Variants in REV1 observed in about 807,000 individuals in gnomAD.
REV1 encodes translesion synthesis protein REV1.
REV1 carries 42 observed loss-of-function variants against 137.4 expected under a neutral mutation model. That is an observed-to-expected ratio of 0.31 (90% CI 0.24 to 0.40). The LOEUF (loss-of-function observed/expected upper bound fraction) is 0.40. REV1 is among the 10% of genes least tolerant of loss of function. The pLI is 1.00. For missense variants in REV1, 1,282 were observed against 1,490.1 expected, an observed-to-expected ratio of 0.86 and a Z score of 2.30; for synonymous variants, 524 against 519.2, an observed-to-expected ratio of 1.01 and a Z score of -0.12.
At chr2:99,483,688 C>A (rs1446444203) in intron 1 of REV1, among the ~76,000 whole-genome samples, 1 of 152,156 alleles carries the variant, frequency 6.6e-6, no homozygotes, top group Non-Finnish European at 1.5e-5. Flanking sequence ...CGTAATTTTA[C>A]AAGAACATAT....
In REV1 at chr2:99,424,773, C is replaced by T. The variant is rs764127786; in HGVS notation, c.1548-493G>A. The T allele has an allele frequency of 3.1e-6, 4 of 1,303,632 alleles. No individual in the cohort carries two copies. In the South Asian group the frequency reaches 3.7e-5, roughly 12 times the overall value. 80.8% of individuals were successfully genotyped at this position (1,303,632 alleles called of 1,614,324 possible). A position where few individuals can be genotyped will look rare whatever the true frequency, so the allele number is the denominator to read the frequency against. On this transcript the variant is annotated intron_variant, in intron 9 of 22. Transcript: ENST00000258428. ...AGACAAAATGTACTCATCCTATTAC[C>T]ACCCAATTCCCAATTGACCAATTCC...
intron 11 of REV1, among the ~76,000 whole-genome samples, chr2:99,419,625 C>T (rs1027282532): frequency 1.3e-5 from 2 of 152,036 alleles, no homozygotes; most frequent in Admixed American, 6.6e-5. Context: ...ATAAAAAGTG[C>T]GCGACTGGAC....
intron 21 of REV1, 34 bp from the exon 22 acceptor site, chr2:99,402,380 G>T: frequency 9.2e-7 from 1 of 1,081,972 alleles, no homozygotes; most frequent in Non-Finnish European, 1.4e-6. Flanking sequence ...ATGAGGACCA[G>T]TCTTTTTGAA....
Position 99,422,358 on chromosome 2 carries a change from A to G in REV1, c.1677-705T>C, listed in dbSNP as rs562600221. Among the ~76,000 whole-genome samples the G allele has an allele frequency of 3.9e-5, 6 of 152,288 alleles. No homozygotes were observed. The South Asian group carries it at 1.2e-3, about 32-fold the overall frequency. ...TAATACGAGGACTAAGAAATCACAA[A>G]ATAGAACTGGACCAGAAATGGGAGG... On this transcript the variant is annotated intron_variant, in intron 10 of 22. Coordinates refer to ENST00000258428, the MANE Select transcript of REV1 (RefSeq NM_016316.4).
intron 3 of REV1, among the ~76,000 whole-genome samples, chr2:99,450,371 C>T (rs1373135030): frequency 6.6e-6 from 1 of 152,156 alleles, no homozygotes; most frequent in Admixed American, 6.5e-5. Context: ...TTTCTTTCAC[C>T]TATCATCCTA....
intron 11 of REV1, among the ~76,000 whole-genome samples, chr2:99,420,930 A>G (rs1678575166): frequency 6.6e-6 from 1 of 152,236 alleles, no homozygotes; most frequent in Non-Finnish European, 1.5e-5. Context: ...GGGAAGCTTA[A>G]GTATGAAAGA....
Position 99,436,374 on chromosome 2 carries a change from C to T in REV1, c.1214-433G>A, listed in dbSNP as rs1051056249. 3.9e-5 allele frequency among the ~76,000 whole-genome samples: 6 copies of T among 152,110 alleles called. 1 individual carries two copies. The highest frequency in any genetic ancestry group is 1.4e-4 in the African/African-American group (6 of 41,418). The stretch of plus-strand genomic sequence containing the variant: ...TTATGTGTATGTATTTATTTAAATT[C>T]TCACAACTATGAGGTAGGTAATCGT... On this transcript the variant is annotated intron_variant, in intron 6 of 22. Coordinates refer to ENST00000258428, the MANE Select transcript of REV1 (RefSeq NM_016316.4).
At chr2:99,433,891 G>C (rs1048087846) in intron 8 of REV1, among the ~76,000 whole-genome samples, 1 of 152,154 alleles carries the variant, frequency 6.6e-6, no homozygotes, top group Non-Finnish European at 1.5e-5. Flanking sequence ...TCTCATAACA[G>C]GTTCACTAAA....
At chr2:99,411,772 G>C (rs556829400) in intron 13 of REV1, among the ~76,000 whole-genome samples, 5 of 151,860 alleles carry the variant, frequency 3.3e-5, no homozygotes, top group Admixed American at 1.3e-4. Context: ...ATGTTAATAA[G>C]TTCTGCTAAT....
At chr2:99,469,570 A>G (rs1185578164) in intron 1 of REV1, among the ~76,000 whole-genome samples, 1 of 152,242 alleles carries the variant, frequency 6.6e-6, no homozygotes, top group Non-Finnish European at 1.5e-5. Context: ...AGCTCTGTCT[A>G]TGAGGAGCCC....
chr2:99,444,446 T>C (rs1464880055), intron 4 of REV1, among the ~76,000 whole-genome samples: 1 of 152,246 alleles, frequency 6.6e-6, no homozygotes, highest in Non-Finnish European at 1.5e-5. Flanking sequence ...AGGTACTCTC[T>C]ATGGTCAGCA....
intron 1 of REV1, among the ~76,000 whole-genome samples, chr2:99,472,136 C>T (rs1225047910): frequency 1.3e-5 from 2 of 152,028 alleles, no homozygotes; most frequent in African/African-American, 2.4e-5. Context: ...TCACAATAGC[C>T]AAAAGGTGGA....
At chr2:99,404,328 CCCCA>C in intron 18 of REV1, 112 bp downstream of exon 18, 2 of 762,400 alleles carry the variant, frequency 2.6e-6, no homozygotes, top group Non-Finnish European at 2.2e-6. Flanking sequence ...CCCCTCCCCT[CCCCA>C]GTGGATGTGG....
rs1399057143 is a variant in REV1, at chr2:99,439,149, G to A, written c.665C>T (p.Thr222Ile). 3.1e-6 allele frequency: 5 copies of A among 1,614,134 alleles called. No homozygotes were observed. Among genetic ancestry groups the A allele is most frequent in the Non-Finnish European group, 4.2e-6 (5 of 1,180,028 alleles). The change falls in exon 6 of 23, where the codon ACT becomes ATT. Residue 222 changes from threonine (T) to isoleucine (I), a missense_variant. Coordinates refer to ENST00000258428, the MANE Select transcript of REV1 (RefSeq NM_016316.4). Reference sequence around the variant, plus strand: ...AGGAGTGTGTCCATTAAAAATGGCAGTGCTCCCTCTGGGATGCGGAATTCC... The same window carrying A: ...AGGAGTGTGTCCATTAAAAATGGCAATGCTCCCTCTGGGATGCGGAATTCC... ...QNGIPHPRGSTAIFNGHTPSS... is the reference protein window; with the variant it reads ...QNGIPHPRGSIAIFNGHTPSS...
At chr2:99,423,687 T>C (rs1320984707) in intron 10 of REV1, among the ~76,000 whole-genome samples, 1 of 152,214 alleles carries the variant, frequency 6.6e-6, no homozygotes, top group Non-Finnish European at 1.5e-5. Flanking sequence ...AAAGACCCAC[T>C]TTTATGAAAA....
chr2:99,467,421 C>T (rs181222792), intron 1 of REV1, among the ~76,000 whole-genome samples: 4 of 152,328 alleles, frequency 2.6e-5, no homozygotes, highest in Admixed American at 6.5e-5. Context: ...ACAACAAACT[C>T]CTATTGATCC....
At chr2:99,403,179 C>G in intron 19 of REV1, 73 bp from the exon 20 acceptor site, 1 of 1,239,012 alleles carries the variant, frequency 8.1e-7, no homozygotes, top group South Asian at 1.5e-5. Flanking sequence ...ATTGGGTTCT[C>G]TTTTCTCCTC....
intron 17 of REV1, 134 bp downstream of exon 17, chr2:99,405,773 AAAC>A: frequency 1.7e-6 from 1 of 571,504 alleles, no homozygotes; most frequent in Non-Finnish European, 2.8e-6. Flanking sequence ...TGATCTACCC[AAAC>A]AAGTGGCCCG....
Position 99,480,222 on chromosome 2 carries a change from G to A in REV1, c.-11+9595C>T, listed in dbSNP as rs186907816. Among the ~76,000 whole-genome samples, 1,133 of 152,220 alleles carry A rather than the reference G, an allele frequency of 7.4e-3. 39 individuals are homozygous for A. The highest frequency in any genetic ancestry group is 0.066 in the Admixed American group (1,009 of 15,296). On this transcript the variant is annotated intron_variant, in intron 1 of 22. Coordinates refer to ENST00000258428, the MANE Select transcript of REV1 (RefSeq NM_016316.4). ...CCCATGGCCACAGCTACTTGGGAGA[G>A]TGGGATGGGAGAACTGCTTGAGCCT...
Sources: allele counts gnomAD v4.1 joint callset (sites outside exome capture counted in the v4.1 genomes callset), GRCh38; gene constraint gnomAD v4.1.1; transcripts MANE v1.5; gene names NCBI Gene and HGNC (gene_info 2026-07-23, HGNC 2026-07-21).